Variants in SCD5 observed in about 807,000 individuals in gnomAD.
The protein encoded by SCD5 is acyl-CoA-desaturase 4.
Under a neutral mutation model 30.4 loss-of-function variants are expected in SCD5, and 20 were observed. That is an observed-to-expected ratio of 0.66 (90% CI 0.46 to 0.96). SCD5 has a LOEUF of 0.96. SCD5 is among the 40% of genes least tolerant of loss of function. The pLI, the probability that SCD5 is intolerant of heterozygous loss-of-function variation, is 0.00. For missense variants in SCD5, 381 were observed against 443.3 expected (o/e 0.86, Z 1.26); for synonymous variants, 173 against 176.4 (o/e 0.98, Z 0.16).
At chr4:82,657,510 T>C (rs1727888473) in intron 3 of SCD5, among the ~76,000 whole-genome samples, 1 of 152,222 alleles carries the variant, frequency 6.6e-6, no homozygotes, top group Non-Finnish European at 1.5e-5. Context: ...AGCCTGGTAA[T>C]ATAGTTTGAA....
At chr4:82,719,040 A>T (rs557706961) in intron 1 of SCD5, among the ~76,000 whole-genome samples, 2 of 151,882 alleles carry the variant, frequency 1.3e-5, no homozygotes, top group South Asian at 2.1e-4. Flanking sequence ...CTGCTAGCCG[A>T]GTTCTCAAAC....
At chr4:82,766,966 C>T (rs1157870492) in intron 1 of SCD5, among the ~76,000 whole-genome samples, 1 of 152,112 alleles carries the variant, frequency 6.6e-6, no homozygotes, top group Non-Finnish European at 1.5e-5. Context: ...GCATGATCCA[C>T]CGTGCCTGGC....
chr4:82,680,219 C>G (rs1000020587), intron 3 of SCD5, among the ~76,000 whole-genome samples: 1 of 152,206 alleles, frequency 6.6e-6, no homozygotes, highest in Non-Finnish European at 1.5e-5. Flanking sequence ...TTTCTCTGCA[C>G]AGAAACCTAC....
At chr4:82,728,416 A>G (rs942726827) in intron 1 of SCD5, among the ~76,000 whole-genome samples, 2 of 152,194 alleles carry the variant, frequency 1.3e-5, no homozygotes, top group Non-Finnish European at 2.9e-5. Flanking sequence ...GAGGGGCCTC[A>G]ATTCTGATAA....
At chr4:82,744,491 T>A (rs1720944227) in intron 1 of SCD5, among the ~76,000 whole-genome samples, 1 of 152,146 alleles carries the variant, frequency 6.6e-6, no homozygotes, top group South Asian at 2.1e-4. Flanking sequence ...TGGGAAGAGG[T>A]CAGTACAGGT....
chr4:82,725,703 T>C (rs1720454229), intron 1 of SCD5, among the ~76,000 whole-genome samples: 1 of 151,536 alleles, frequency 6.6e-6, no homozygotes, highest in Non-Finnish European at 1.5e-5. Context: ...CTACAAAAAA[T>C]ACAAAAATTA....
At chr4:82,646,574 T>C (rs914096373) in intron 3 of SCD5, among the ~76,000 whole-genome samples, 1 of 152,192 alleles carries the variant, frequency 6.6e-6, no homozygotes, top group Non-Finnish European at 1.5e-5. Context: ...TCTCTGAAAG[T>C]TGTAATCGAA....
intron 1 of SCD5, among the ~76,000 whole-genome samples, chr4:82,766,922 C>T (rs1315735697): frequency 1.3e-5 from 2 of 152,108 alleles, no homozygotes; most frequent in Non-Finnish European, 2.9e-5. Context: ...AGGTGATCCG[C>T]CCACCTCGAC....
At chr4:82,773,997 A>G (rs933397114) in intron 1 of SCD5, among the ~76,000 whole-genome samples, 3 of 151,978 alleles carry the variant, frequency 2.0e-5, no homozygotes, top group East Asian at 1.9e-4. Context: ...GCTGAGGCAG[A>G]AGAATTGCTT....
intron 1 of SCD5, among the ~76,000 whole-genome samples, chr4:82,789,663 C>G (rs1459421728): frequency 6.6e-6 from 1 of 152,216 alleles, no homozygotes; most frequent in Non-Finnish European, 1.5e-5. Flanking sequence ...CCAGGACCCA[C>G]AGAGCCCTCC....
chr4:82,692,479 G>C (rs13106297), intron 2 of SCD5: 101,355 of 152,542 alleles, frequency 0.66, 34,256 homozygotes, highest in Middle Eastern at 0.74. Context: ...GAGCTGGCCA[G>C]GGAGGAAAAA....
At chr4:82,776,241 G>A (rs1272945317) in intron 1 of SCD5, 1 of 152,146 alleles carries the variant, frequency 6.6e-6, no homozygotes, top group African/African-American at 2.4e-5. Flanking sequence ...CAAGTGCTCT[G>A]GTGTAAAGTG....
chr4:82,643,995 A>G (rs948472175), intron 3 of SCD5, among the ~76,000 whole-genome samples: 1 of 152,194 alleles, frequency 6.6e-6, no homozygotes, highest in African/African-American at 2.4e-5. Context: ...TTTGAGATGC[A>G]AGGATGTCCT....
intron 2 of SCD5, among the ~76,000 whole-genome samples, chr4:82,695,972 A>G (rs904682981): frequency 6.6e-6 from 1 of 152,214 alleles, no homozygotes; most frequent in Non-Finnish European, 1.5e-5. Context: ...ATTGCACACA[A>G]GTCTAGCCAG....
At chr4:82,760,996 T>C (rs1721352699) in intron 1 of SCD5, among the ~76,000 whole-genome samples, 1 of 152,186 alleles carries the variant, frequency 6.6e-6, no homozygotes, top group African/African-American at 2.4e-5. Flanking sequence ...AGCCTTTATT[T>C]GTGGCAAATC....
chr4:82,746,662 G>A (rs1482558827), intron 1 of SCD5, among the ~76,000 whole-genome samples: 1 of 152,076 alleles, frequency 6.6e-6, no homozygotes, highest in Non-Finnish European at 1.5e-5. Context: ...AAAGGCAAGA[G>A]ACCAAAAGTT....
chr4:82,712,912 C>T (rs114404211), intron 1 of SCD5, among the ~76,000 whole-genome samples: 46 of 152,322 alleles, frequency 3.0e-4, no homozygotes, highest in African/African-American at 1.1e-3. Context: ...CACGTAGGTA[C>T]TATTTCAACA....
Position 82,798,451 on chromosome 4 carries a change from G to T in SCD5, c.87C>A (p.Gly29=). The change falls in exon 1 of 5, where the codon GGC becomes GGA. Residue 29 remains glycine, a synonymous_variant. Transcript: ENST00000319540. ...CGCCTGGCCTCTCCGGGCCGCCGCC[G>T]CCCTCAGAGCTTTCGAGCCCGGCAC... is the stretch of plus-strand genomic sequence containing the variant. ...EIRAGLESSE[G]GGGPERPGAR... 1.2e-6 allele frequency: 2 copies of T among 1,613,000 alleles called. No homozygotes were observed. The highest frequency in any genetic ancestry group is 4.5e-5 in the East Asian group (2 of 44,812).
At chr4:82,667,398 A>C (rs998095470) in intron 3 of SCD5, among the ~76,000 whole-genome samples, 15 of 152,168 alleles carry the variant, frequency 9.9e-5, no homozygotes, top group African/African-American at 3.6e-4. Flanking sequence ...AACTCATAAA[A>C]AGCTATTGAA....
Sources: allele counts gnomAD v4.1 joint callset (sites outside exome capture counted in the v4.1 genomes callset), GRCh38; gene constraint gnomAD v4.1.1; transcripts MANE v1.5; gene names NCBI Gene and HGNC (gene_info 2026-07-23, HGNC 2026-07-21).